Variants in DCLK1 observed in about 807,000 individuals in gnomAD.
DCLK1 encodes serine/threonine-protein kinase DCLK1.
Under a neutral mutation model 86.2 loss-of-function variants are expected in DCLK1, and 16 were observed. The ratio of observed to expected loss-of-function variants is 0.19; its 90% confidence interval spans 0.13 to 0.28. DCLK1 has a LOEUF of 0.28. DCLK1 is among the 10% of genes least tolerant of loss of function. The probability of loss-of-function intolerance (pLI) is 1.00; values close to 1 mark genes in which losing one functional copy is unlikely to be tolerated. For synonymous variants in DCLK1, 369 were observed against 370.5 expected (o/e 1.00, Z 0.05); for missense variants, 590 against 940.2 (o/e 0.63, Z 4.87).
chr13:35,980,544 G>T (rs1043546496), intron 3 of DCLK1, among the ~76,000 whole-genome samples: 5 of 152,142 alleles, frequency 3.3e-5, no homozygotes, highest in African/African-American at 1.2e-4. Flanking sequence ...AAAAGTAGAA[G>T]TAGCCCCTTC....
intron 4 of DCLK1, among the ~76,000 whole-genome samples, chr13:35,885,404 G>A (rs1873167868): frequency 6.6e-6 from 1 of 152,144 alleles, no homozygotes; most frequent in Non-Finnish European, 1.5e-5. Context: ...AACTCTAACT[G>A]TAAGGCCGGG....
At chr13:36,039,982 G>A (rs1397586883) in intron 3 of DCLK1, among the ~76,000 whole-genome samples, 5 of 150,610 alleles carry the variant, frequency 3.3e-5, no homozygotes, top group Admixed American at 6.6e-5. Flanking sequence ...AGGTGGGAGT[G>A]CAGTGGCATG....
chr13:35,958,198 CCACCAT>C (rs1878206804), intron 3 of DCLK1, among the ~76,000 whole-genome samples: 1 of 151,088 alleles, frequency 6.6e-6, no homozygotes, highest in Non-Finnish European at 1.5e-5. Context: ...ACTACCACCA[CCACCAT>C]TATAACCATC....
At chr13:35,790,942 T>C (rs963382960) in intron 16 of DCLK1, among the ~76,000 whole-genome samples, 3 of 152,186 alleles carry the variant, frequency 2.0e-5, no homozygotes, top group Admixed American at 6.6e-5. Flanking sequence ...TCCAGTGCTA[T>C]TCTGAAAGTA....
rs1256038608 is a variant in DCLK1 at position 36,014,161 on chromosome 13, C to A, written c.724-66704G>T. Among the ~76,000 whole-genome samples, 3 of 152,190 alleles carry A rather than the reference C, an allele frequency of 2.0e-5. No individual in the cohort carries two copies. The East Asian group carries it at 5.8e-4, about 29-fold the overall frequency. ...ACCTCAGATGGAAATGCAGAAATCA[C>A]CCGTCTTCTGCGTCGCTCACGCTGG... On this transcript the variant is annotated intron_variant, in intron 3 of 16. Transcript: ENST00000360631.
chr13:35,890,354 T>C (rs1742989815), intron 4 of DCLK1, among the ~76,000 whole-genome samples: 1 of 152,172 alleles, frequency 6.6e-6, no homozygotes, highest in Non-Finnish European at 1.5e-5. Context: ...TTGATAACTT[T>C]GATTTTATTT....
chr13:35,956,262 GGC>G (rs1483782614), intron 3 of DCLK1, among the ~76,000 whole-genome samples: 1 of 152,102 alleles, frequency 6.6e-6, no homozygotes, highest in Non-Finnish European at 1.5e-5. Flanking sequence ...CCAGGAAATT[GGC>G]TTATCTGAGC....
At chr13:35,896,660 G>T (rs951381618) in intron 4 of DCLK1, among the ~76,000 whole-genome samples, 6 of 150,120 alleles carry the variant, frequency 4.0e-5, no homozygotes, top group African/African-American at 1.5e-4. Flanking sequence ...GAGGCATCCA[G>T]TAAAGCTCCA....
intron 4 of DCLK1, among the ~76,000 whole-genome samples, chr13:35,878,591 T>C (rs1448331213): frequency 6.6e-6 from 1 of 152,104 alleles, no homozygotes; most frequent in Non-Finnish European, 1.5e-5. Context: ...ATCTAGTATT[T>C]GATAGCACAA....
intron 3 of DCLK1, among the ~76,000 whole-genome samples, chr13:36,104,799 T>C (rs1020755107): frequency 1.3e-5 from 2 of 152,046 alleles, no homozygotes; most frequent in African/African-American, 4.8e-5. Flanking sequence ...TGACTGACAA[T>C]AAATGGGATG....
At chr13:35,789,439 T>C (rs2086675446) in intron 16 of DCLK1, among the ~76,000 whole-genome samples, 1 of 152,218 alleles carries the variant, frequency 6.6e-6, no homozygotes, top group Non-Finnish European at 1.5e-5. Context: ...AATCAAAGTA[T>C]ACTGGCTCTC....
At chr13:35,958,944 A>G (rs1878297754) in intron 3 of DCLK1, among the ~76,000 whole-genome samples, 1 of 152,196 alleles carries the variant, frequency 6.6e-6, no homozygotes, top group Admixed American at 6.5e-5. Flanking sequence ...TTTTTGCATA[A>G]TTGTATTAAG....
intron 3 of DCLK1, among the ~76,000 whole-genome samples, chr13:36,057,133 T>G (rs1360738922): frequency 6.6e-6 from 1 of 152,016 alleles, no homozygotes; most frequent in African/African-American, 2.4e-5. Context: ...AGTAGTTATA[T>G]CTCAGCATTT....
At chr13:35,929,122 G>A (rs1020937858) in intron 4 of DCLK1, among the ~76,000 whole-genome samples, 1 of 152,034 alleles carries the variant, frequency 6.6e-6, no homozygotes, top group Admixed American at 6.6e-5. Flanking sequence ...GTAGAGATGG[G>A]GTTTCACCAT....
At chr13:35,826,564 A>AGGGAGGG (rs1301930448) in intron 10 of DCLK1, among the ~76,000 whole-genome samples, 20 of 46,050 alleles carry the variant, frequency 4.3e-4, no homozygotes, top group Non-Finnish European at 8.3e-4. Context: ...AGAAAGAAAC[A>AGGGAGGG]AGTCCTAATT....
intron 6 of DCLK1, chr13:35,845,996 G>A: frequency 1.0e-6 from 1 of 985,294 alleles, no homozygotes; most frequent in Non-Finnish European, 1.2e-6. Flanking sequence ...GAAACACAAG[G>A]TACAACATTT....
At chr13:35,910,882 G>T (rs1361144621) in intron 4 of DCLK1, among the ~76,000 whole-genome samples, 1 of 152,162 alleles carries the variant, frequency 6.6e-6, no homozygotes, top group African/African-American at 2.4e-5. Context: ...AAAAGACAAT[G>T]ATGCATAATT....
intron 3 of DCLK1, among the ~76,000 whole-genome samples, chr13:36,030,897 G>C (rs936832352): frequency 1.3e-5 from 2 of 152,064 alleles, no homozygotes; most frequent in Middle Eastern, 3.4e-3. Flanking sequence ...CCACAATGCC[G>C]GCCCAGCACC....
chr13:35,777,212 A>C (rs899611898), intron 16 of DCLK1, among the ~76,000 whole-genome samples: 9 of 152,188 alleles, frequency 5.9e-5, no homozygotes, highest in African/African-American at 9.6e-5. Context: ...TCTTGGAAAT[A>C]TATCACGGTC....
Sources: gnomAD v4.1 joint callset for allele counts (sites outside exome capture counted in the v4.1 genomes callset) on GRCh38, gnomAD v4.1.1 for gene constraint, MANE v1.5 for transcripts, NCBI Gene and HGNC (gene_info 2026-07-23, HGNC 2026-07-21) for gene names.